The following CCDC110 variants were observed in gnomAD, a reference collection of about 807,000 sequenced individuals.
CCDC110 encodes the protein coiled-coil domain containing 110.
CCDC110 carries 70 observed loss-of-function variants against 77.1 expected under a neutral mutation model. That is an observed-to-expected ratio of 0.91 (90% CI 0.75 to 1.11). The LOEUF (loss-of-function observed/expected upper bound fraction) is 1.11. Ranked by LOEUF, CCDC110 falls within the 50% of genes least tolerant of loss-of-function variation. CCDC110 has a pLI of 0.00. For synonymous variants in CCDC110, 295 were observed against 312.5 expected, an observed-to-expected ratio of 0.94 and a Z score of 0.59; for missense variants, 868 against 942.9, an observed-to-expected ratio of 0.92 and a Z score of 1.04.
intron 2 of CCDC110, among the ~76,000 whole-genome samples, chr4:185,463,258 CT>C (rs2153322842): frequency 6.6e-6 from 1 of 152,264 alleles, no homozygotes; most frequent in African/African-American, 2.4e-5. Flanking sequence ...AGTGTCTTCA[CT>C]TTTAGAGTAC....
intron 4 of CCDC110, among the ~76,000 whole-genome samples, chr4:185,462,112 C>T (rs1205578702): frequency 6.6e-6 from 1 of 152,164 alleles, no homozygotes; most frequent in African/African-American, 2.4e-5. Flanking sequence ...GCAAAGTGTA[C>T]TCTCTTCTCT....
At position 185,471,721 on chromosome 4, in the gene CCDC110, C is replaced by G; in HGVS notation, c.-38G>C. The G allele has an allele frequency of 6.6e-7, 1 of 1,522,544 alleles. No homozygotes were observed. The highest frequency in any genetic ancestry group is 8.8e-7 in the Non-Finnish European group (1 of 1,138,210). 94.3% of individuals were successfully genotyped at this position (1,522,544 alleles called of 1,614,324 possible). A position where few individuals can be genotyped will look rare whatever the true frequency, so the allele number is the denominator to read the frequency against. Reference sequence around the variant, plus strand: ...TCTCTCTCGCAACCGCCGCCGCACGCACCCGCTCCGCCGCCCCGCGCAGGG... The same window carrying G: ...TCTCTCTCGCAACCGCCGCCGCACGGACCCGCTCCGCCGCCCCGCGCAGGG... On this transcript the variant is annotated 5_prime_UTR_variant, in exon 1 of 7. Transcript: ENST00000307588.
chr4:185,466,142 T>A (rs145791684), intron 2 of CCDC110, among the ~76,000 whole-genome samples: 5 of 151,862 alleles, frequency 3.3e-5, no homozygotes, highest in Non-Finnish European at 5.9e-5. Context: ...TTGGGAGGCC[T>A]AGGCGGGCAG....
intron 5 of CCDC110, 68 bp from the exon 6 acceptor site, chr4:185,460,306 AT>A: frequency 8.2e-7 from 1 of 1,223,624 alleles, no homozygotes. Context: ...TACAGATAAT[AT>A]TTTGTGGAGG....
At chr4:185,463,371 C>G (rs1176900312) in intron 2 of CCDC110, among the ~76,000 whole-genome samples, 1 of 152,120 alleles carries the variant, frequency 6.6e-6, no homozygotes, top group Admixed American at 6.5e-5. Context: ...CCTAATAATG[C>G]TCATATTATG....
rs745620588 is a variant in CCDC110 at position 185,461,082 on chromosome 4, A to AT, written c.314dup (p.Asn105LysfsTer9). The AT allele has an allele frequency of 2.3e-4, 365 of 1,600,110 alleles. 3 individuals are homozygous for AT. Among genetic ancestry groups the AT allele is most frequent in the Non-Finnish European group, 2.9e-4 (344 of 1,172,480 alleles). On this transcript the variant is annotated frameshift_variant, in exon 5 of 7. Coordinates refer to ENST00000307588, the MANE Select transcript of CCDC110 (RefSeq NM_152775.4). LOFTEE classifies it high-confidence loss of function. ...TTTCAATGCGCGTGCCAAACACCAG[A>AT]TTTTTTTCTGAGCTAAATTGTGGGT...
intron 6 of CCDC110, among the ~76,000 whole-genome samples, chr4:185,455,202 A>C (rs1423026276): frequency 1.3e-5 from 2 of 151,816 alleles, no homozygotes; most frequent in African/African-American, 4.9e-5. Flanking sequence ...TAACACTAAC[A>C]CTCTATTTTG....
intron 6 of CCDC110, among the ~76,000 whole-genome samples, chr4:185,448,193 G>T (rs1382794842): frequency 1.3e-5 from 2 of 151,932 alleles, no homozygotes; most frequent in Non-Finnish European, 2.9e-5. Context: ...GCTAATTTTT[G>T]TATTTTTAGT....
chr4:185,470,814 C>A (rs1580208220), intron 2 of CCDC110, 131 bp downstream of exon 2: 1 of 760,328 alleles, frequency 1.3e-6, no homozygotes, highest in South Asian at 1.4e-5. Flanking sequence ...TGGCACAAAG[C>A]GCGAGTGCCG....
chr4:185,469,383 G>A (rs993676251), intron 2 of CCDC110, among the ~76,000 whole-genome samples: 6 of 152,198 alleles, frequency 3.9e-5, no homozygotes, highest in African/African-American at 1.2e-4. Context: ...AAGAAAGACT[G>A]TAACTCTTAA....
chr4:185,454,063 C>A (rs183867347), intron 6 of CCDC110, among the ~76,000 whole-genome samples: 9 of 152,190 alleles, frequency 5.9e-5, no homozygotes, highest in Non-Finnish European at 1.0e-4. Flanking sequence ...GGTAATCCAC[C>A]CGCCTCGGCC....
At chr4:185,463,174 T>C in intron 2 of CCDC110, 125 bp from the exon 3 acceptor site, 1 of 674,772 alleles carries the variant, frequency 1.5e-6, no homozygotes, top group Non-Finnish European at 2.6e-6. Flanking sequence ...ACTTCTGATA[T>C]TCACACTATG....
intron 2 of CCDC110, among the ~76,000 whole-genome samples, chr4:185,466,239 G>T (rs549859032): frequency 6.6e-6 from 1 of 152,066 alleles, no homozygotes; most frequent in African/African-American, 2.4e-5. Flanking sequence ...GCTGGGTGTG[G>T]TGGCATGTGC....
intron 2 of CCDC110, among the ~76,000 whole-genome samples, chr4:185,467,273 A>C (rs562923172): frequency 1.8e-4 from 28 of 152,362 alleles, no homozygotes; most frequent in Middle Eastern, 3.4e-3. Context: ...AGTCGGATTC[A>C]TCTATTTTTA....
chr4:185,470,173 A>G (rs1390913467), intron 2 of CCDC110, among the ~76,000 whole-genome samples: 1 of 152,194 alleles, frequency 6.6e-6, no homozygotes, highest in Non-Finnish European at 1.5e-5. Context: ...TAGTCCGTAA[A>G]TATTTACTAT....
Position 185,445,491 on chromosome 4 carries a change from C to T in CCDC110, c.*11G>A, listed in dbSNP as rs377372535. ...TTCTCGAAGGGAGTTTCTTAGCAAT[C>T]TTGAGGAATCCTAATGATGCTTGAG... On this transcript the variant is annotated 3_prime_UTR_variant, in exon 7 of 7. Transcript: ENST00000307588. 108 of 1,565,832 alleles carry T rather than the reference C, an allele frequency of 6.9e-5. 2 individuals are homozygous for T. Among genetic ancestry groups the T allele is most frequent in the South Asian group, 3.8e-4 (33 of 87,764 alleles).
In CCDC110 at chr4:185,462,973, TA is replaced by T; in HGVS notation, c.171+20del. 1 of 1,598,476 alleles carries T rather than the reference TA, an allele frequency of 6.3e-7. No individual in the cohort carries two copies. The highest frequency in any genetic ancestry group is 8.6e-7 in the Non-Finnish European group (1 of 1,166,438). On this transcript the variant is annotated intron_variant, in intron 3 of 6. Transcript: ENST00000307588. ...CCTTTACCCAGAATTTTGGAGATGA[TA>T]AAATGGAATATAGACTCACTTTCAA... is the stretch of plus-strand genomic sequence containing the variant.
At chr4:185,462,748 T>C in intron 3 of CCDC110, 40 bp from the exon 4 acceptor site, 1 of 1,491,288 alleles carries the variant, frequency 6.7e-7, no homozygotes. Flanking sequence ...TATTTTTAGG[T>C]AGGTAAACGT....
intron 6 of CCDC110, among the ~76,000 whole-genome samples, chr4:185,452,952 AG>A (rs2095631266): frequency 6.6e-6 from 1 of 151,832 alleles, no homozygotes; most frequent in African/African-American, 2.4e-5. Flanking sequence ...TCTATACTAG[AG>A]CAAAATTAAT....
Sources: allele counts gnomAD v4.1 joint callset (sites outside exome capture counted in the v4.1 genomes callset), GRCh38; gene constraint gnomAD v4.1.1; transcripts MANE v1.5; gene names NCBI Gene and HGNC (gene_info 2026-07-23, HGNC 2026-07-21).